BRINP1: variants seen among roughly 807,000 people sequenced by gnomAD.
BRINP1 encodes the protein BMP/retinoic acid-inducible neural-specific protein 1.
Under a neutral mutation model 72.9 loss-of-function variants are expected in BRINP1, and 17 were observed. That is an observed-to-expected ratio of 0.23 (90% CI 0.16 to 0.35). BRINP1 has a LOEUF of 0.35. Ranked by LOEUF, BRINP1 falls within the 10% of genes least tolerant of loss-of-function variation. The pLI, the probability that BRINP1 is intolerant of heterozygous loss-of-function variation, is 1.00. For synonymous variants in BRINP1, 418 were observed against 378.5 expected (o/e 1.10, Z -1.21); for missense variants, 850 against 1,001.6 (o/e 0.85, Z 2.04).
intron 1 of BRINP1, among the ~76,000 whole-genome samples, chr9:119,331,936 G>A (rs567514411): frequency 6.6e-6 from 1 of 152,302 alleles, no homozygotes; most frequent in African/African-American, 2.4e-5. Flanking sequence ...ATTCTCCGGT[G>A]AATGTTATAC....
intron 4 of BRINP1, among the ~76,000 whole-genome samples, chr9:119,239,075 G>GA (rs1007893863): frequency 3.9e-5 from 6 of 152,154 alleles, no homozygotes; most frequent in African/African-American, 1.4e-4. Context: ...TTTGGAATCA[G>GA]AAAAAATAGT....
intron 5 of BRINP1, among the ~76,000 whole-genome samples, chr9:119,221,906 TG>T (rs1830045001): frequency 6.6e-6 from 1 of 152,118 alleles, no homozygotes; most frequent in African/African-American, 2.4e-5. Context: ...AAACAAATCT[TG>T]GTTCCATCAA....
chr9:119,236,784 A>T (rs1352826227), intron 5 of BRINP1, among the ~76,000 whole-genome samples: 5 of 151,278 alleles, frequency 3.3e-5, no homozygotes, highest in African/African-American at 1.2e-4. Flanking sequence ...CTTTCTGTCT[A>T]CTCTTTTTTC....
chr9:119,334,282 A>G (rs1587964236), intron 1 of BRINP1, among the ~76,000 whole-genome samples: 3 of 152,348 alleles, frequency 2.0e-5, no homozygotes, highest in South Asian at 2.1e-4. Context: ...AGGAGCAGGC[A>G]TATTTCTAAC....
At chr9:119,175,820 T>C (rs1829482230) in intron 7 of BRINP1, among the ~76,000 whole-genome samples, 1 of 152,184 alleles carries the variant, frequency 6.6e-6, no homozygotes, top group Non-Finnish European at 1.5e-5. Flanking sequence ...CAATAAACTC[T>C]TGTGTGTCTA....
intron 4 of BRINP1, among the ~76,000 whole-genome samples, chr9:119,240,055 G>A (rs578199650): frequency 6.6e-6 from 1 of 152,174 alleles, no homozygotes; most frequent in South Asian, 2.1e-4. Context: ...TGGATTACAA[G>A]GTCAAGAGAT....
intron 2 of BRINP1, among the ~76,000 whole-genome samples, chr9:119,258,429 A>G (rs1830466559): frequency 6.6e-6 from 1 of 152,234 alleles, no homozygotes; most frequent in Admixed American, 6.5e-5. Flanking sequence ...ATGAGAGTTA[A>G]TCGTGGGAAA....
intron 4 of BRINP1, 75 bp downstream of exon 4, chr9:119,241,972 T>A: frequency 6.8e-7 from 1 of 1,474,632 alleles, no homozygotes; most frequent in Non-Finnish European, 9.3e-7. Context: ...CATCTGTCCA[T>A]CCACTCTCAG....
intron 7 of BRINP1, among the ~76,000 whole-genome samples, chr9:119,183,003 A>G (rs978132693): frequency 9.2e-5 from 14 of 152,232 alleles, no homozygotes; most frequent in Non-Finnish European, 2.1e-4. Context: ...ATACAAAATT[A>G]AAAAGAAGGT....
chr9:119,178,989 C>A (rs1829522427), intron 7 of BRINP1, among the ~76,000 whole-genome samples: 1 of 152,196 alleles, frequency 6.6e-6, no homozygotes, highest in South Asian at 2.1e-4. Context: ...CTCTCCTCCA[C>A]TCACAGATAA....
At chr9:119,293,962 A>G (rs1830848943) in intron 2 of BRINP1, among the ~76,000 whole-genome samples, 1 of 152,176 alleles carries the variant, frequency 6.6e-6, no homozygotes, top group Admixed American at 6.5e-5. Context: ...AAATAAAAAA[A>G]GAAGTAAAAT....
intron 5 of BRINP1, among the ~76,000 whole-genome samples, chr9:119,221,680 G>A (rs934838005): frequency 6.6e-6 from 1 of 152,140 alleles, no homozygotes; most frequent in African/African-American, 2.4e-5. Flanking sequence ...CCTGGTTAGA[G>A]TAATCTTTTG....
chr9:119,167,116 G>C lies in BRINP1; in HGVS notation c.2254C>G (p.Gln752Glu). Reference protein sequence around the residue: ...LDLYNTEILKQSDQMTAKLC With the variant: ...LDLYNTEILKESDQMTAKLC The stretch of plus-strand genomic sequence containing the variant: ...AGTTTGGCTGTCATCTGGTCCGACT[G>C]TTTGAGGATCTCCGTGTTGTACAGG... Residue 752 changes from glutamine (Q) to glutamate (E), a missense_variant, in exon 8 of 8, where the codon CAG becomes GAG. Physicochemically the swap from Gln to Glu is conservative, Grantham distance 29. Transcript: ENST00000265922. This position sits in a 1 kb window ranked among gnomAD's most constrained non-coding sequence, Gnocchi z 4.3. 2 of 1,612,002 alleles carry C rather than the reference G, an allele frequency of 1.2e-6. No individual in the cohort carries two copies. The highest frequency in any genetic ancestry group is 1.7e-6 in the Non-Finnish European group (2 of 1,178,652).
rs143994545 is a variant in BRINP1, at chr9:119,270,108, G to A, written c.219-20958C>T. ...GGAGGTAGGGGAGTGAGCTAGGTTG[G>A]CACTTGGTGAAAGAGCTTTCCAAGC... On this transcript the variant is annotated intron_variant, in intron 2 of 7. Transcript: ENST00000265922. 8.0e-3 allele frequency among the ~76,000 whole-genome samples: 1,219 copies of A among 152,010 alleles called. 13 individuals are homozygous for A. Among genetic ancestry groups the A allele is most frequent in the African/African-American group, 0.028 (1,144 of 41,462 alleles).
rs1270519226 is a variant in BRINP1 at position 119,313,363 on chromosome 9, T to C, written c.-8A>G. ...AACAAACCTCCAGTTCATGCTTTTC[T>C]GCCGGCCTTTTTCCTCTCATTCTTG... On this transcript the variant is annotated 5_prime_UTR_variant, in exon 2 of 8. Transcript: ENST00000265922. 6.2e-7 allele frequency: 1 copy of C among 1,613,312 alleles called. No individual in the cohort carries two copies.
chr9:119,198,322 G>T (rs1262888988), intron 7 of BRINP1, among the ~76,000 whole-genome samples: 2 of 152,150 alleles, frequency 1.3e-5, no homozygotes, highest in Non-Finnish European at 2.9e-5. Flanking sequence ...ATTTTGCTAT[G>T]TGTTAACCCT....
chr9:119,352,213 A>T (rs915429967), intron 1 of BRINP1, among the ~76,000 whole-genome samples: 1 of 152,216 alleles, frequency 6.6e-6, no homozygotes, highest in Non-Finnish European at 1.5e-5. Context: ...CTTTACTATC[A>T]GTGCCTTTGG....
chr9:119,304,631 G>A (rs547710844), intron 2 of BRINP1, among the ~76,000 whole-genome samples: 84 of 152,356 alleles, frequency 5.5e-4, no homozygotes, highest in Non-Finnish European at 8.5e-4. Flanking sequence ...AGTAGCTGTA[G>A]AACTCTACAT....
chr9:119,345,064 C>A (rs537641279), intron 1 of BRINP1, among the ~76,000 whole-genome samples: 1 of 152,314 alleles, frequency 6.6e-6, no homozygotes, highest in Middle Eastern at 3.4e-3. Context: ...GCAGCCTAAT[C>A]TCTGGGAACA....
Sources: gnomAD v4.1 joint callset for allele counts (sites outside exome capture counted in the v4.1 genomes callset) on GRCh38, gnomAD v4.1.1 for gene constraint, Gnocchi (gnomAD v3.1) non-coding constraint, MANE v1.5 for transcripts, NCBI Gene and HGNC (gene_info 2026-07-23, HGNC 2026-07-21) for gene names.